The following SELENON variants were observed in gnomAD, a reference collection of about 807,000 sequenced individuals.
SELENON encodes the protein selenoprotein N, 1.
A neutral mutation model predicts 59.5 loss-of-function variants in SELENON; 44 were observed. The observed-to-expected ratio is 0.74, with a 90% CI of 0.58 to 0.95. The LOEUF (loss-of-function observed/expected upper bound fraction) is 0.95. SELENON is among the 40% of genes least tolerant of loss of function. The probability of loss-of-function intolerance (pLI) is 0.00; values close to 1 mark genes in which losing one functional copy is unlikely to be tolerated. For missense variants in SELENON, 674 were observed against 721.4 expected, an observed-to-expected ratio of 0.93 and a Z score of 0.75; for synonymous variants, 320 against 305.6, an observed-to-expected ratio of 1.05 and a Z score of -0.49.
chr1:25,813,406 A>G (rs544416434), intron 10 of SELENON, among the ~76,000 whole-genome samples: 91 of 152,348 alleles, frequency 6.0e-4, no homozygotes, highest in African/African-American at 2.0e-3. Context: ...AAAGGCAGAC[A>G]CCAAATGAGT....
At position 25,815,931 on chromosome 1, in the gene SELENON, G is replaced by C. The variant is rs527610991; in HGVS notation, c.*213G>C. Reference sequence around the variant, plus strand: ...GGCTGACTGGGCAGAGGAACCTCTAGCTCTGACTGTCACTCGGCTCTCCCT... The same window carrying C: ...GGCTGACTGGGCAGAGGAACCTCTACCTCTGACTGTCACTCGGCTCTCCCT... On this transcript the variant is annotated 3_prime_UTR_variant, in exon 13 of 13. Transcript: ENST00000361547. The C allele has an allele frequency of 4.1e-5, 24 of 578,466 alleles. No homozygotes were observed. In the East Asian group the frequency reaches 6.4e-4, roughly 15 times the overall value. The allele number at this position is 578,466 out of a possible 1,614,324, so 35.8% of individuals were successfully genotyped here. A position where few individuals can be genotyped will look rare whatever the true frequency, so the allele number is the denominator to read the frequency against.
chr1:25,811,316 CTG>C, intron 7 of SELENON, 136 bp from the exon 7 acceptor site: 1 of 836,742 alleles, frequency 1.2e-6, no homozygotes. Flanking sequence ...CCCAGTGGCT[CTG>C]AGAGCAGGTG....
At chr1:25,809,932 A>C in intron 7 of SELENON, 112 bp downstream of exon 6, 1 of 1,372,474 alleles carries the variant, frequency 7.3e-7, no homozygotes, top group Non-Finnish European at 1.0e-6. Context: ...TGCTCCCCAG[A>C]GCCCATCTCA....
In SELENON at chr1:25,814,191, A is replaced by C. The variant is rs1180541240; in HGVS notation, c.1602+13A>C. 1 of 1,610,070 alleles carries C rather than the reference A, an allele frequency of 6.2e-7. No homozygotes were observed. Among genetic ancestry groups the C allele is most frequent in the Non-Finnish European group, 8.5e-7 (1 of 1,177,390 alleles). On this transcript the variant is annotated intron_variant, in intron 12 of 12. Coordinates refer to ENST00000361547, the MANE Select transcript of SELENON (RefSeq NM_020451.3). ...CAATGGCACCGTGGTAGGCACCCCC[A>C]CTCAGACCCCACAGGGCCCAGGCAC...
chr1:25,813,525 CTT>C, intron 10 of SELENON: 1 of 378,234 alleles, frequency 2.6e-6, no homozygotes, highest in Non-Finnish European at 5.2e-6. Flanking sequence ...TACGCTGAGA[CTT>C]TGAAGGATGA....
Position 25,814,139 on chromosome 1 carries a change from C to T in SELENON, c.1563C>T (p.Phe521=), listed in dbSNP as rs373154763. 33 of 1,614,182 alleles carry T rather than the reference C, an allele frequency of 2.0e-5. No individual in the cohort carries two copies. In the East Asian group the frequency reaches 6.7e-4, roughly 33 times the overall value. ...GCCTGCACCTGGAGAAGTACAGCTT[C>T]CCCGTGGAGATGATGATCTGCCTGC... Residue 521 remains phenylalanine (F), a synonymous_variant, in exon 12 of 13, where the codon TTC becomes TTT. Transcript: ENST00000361547.
chr1:25,808,013 A>G (rs965310380), intron 4 of SELENON, among the ~76,000 whole-genome samples: 1 of 152,116 alleles, frequency 6.6e-6, no homozygotes, highest in Non-Finnish European at 1.5e-5. Context: ...TTGACCCTAG[A>G]GATTTCACCT....
rs1391444429 is a variant in SELENON at position 25,800,260 on chromosome 1, G to A, written c.30G>A (p.Gly10=). 3.2e-6 allele frequency: 3 copies of A among 935,474 alleles called. No homozygotes were observed. The highest frequency in any genetic ancestry group is 3.8e-6 in the Non-Finnish European group (3 of 787,340). The allele number at this position is 935,474 out of a possible 1,614,324, so 57.9% of individuals were successfully genotyped here. The change falls in exon 1 of 13, where the codon GGG becomes GGA. Residue 10 remains glycine (G), a synonymous_variant. Transcript: ENST00000361547. ...GCCGGGCCCGGCCGGGCCAACGCGG[G>A]CCGCCCAGCCCCGGCCCCGCCGCGC...
intron 4 of SELENON, among the ~76,000 whole-genome samples, chr1:25,805,796 A>T (rs1402565847): frequency 6.6e-6 from 1 of 152,040 alleles, no homozygotes; most frequent in African/African-American, 2.4e-5. Context: ...TGGGGAGGGC[A>T]CCTGAGAAGG....
chr1:25,810,645 G>A (rs1206684226), intron 7 of SELENON, among the ~76,000 whole-genome samples: 2 of 152,238 alleles, frequency 1.3e-5, no homozygotes, highest in Non-Finnish European at 2.9e-5. Flanking sequence ...CACCCACAGG[G>A]CAGGCGTGAG....
intron 12 of SELENON, among the ~76,000 whole-genome samples, chr1:25,814,835 G>A (rs987527024): frequency 2.0e-5 from 3 of 152,166 alleles, no homozygotes; most frequent in Admixed American, 2.0e-4. Flanking sequence ...ACCCAGGGCT[G>A]TAGGAGGGGG....
chr1:25,805,144 T>A lies in SELENON; in HGVS notation c.406T>A (p.Ser136Thr). Residue 136 changes from serine (S) to threonine (T), a missense_variant and splice_region_variant, in exon 4 of 13, where the codon TCA becomes ACA. Transcript: ENST00000361547. The stretch of plus-strand genomic sequence containing the variant: ...TCTCCGATGTCTGTGTCTCATAGGG[T>A]CAACTCCCGCGGCCAGCTGCGAGGA... 6.2e-7 allele frequency: 1 copy of A among 1,613,258 alleles called. No individual in the cohort carries two copies. Among genetic ancestry groups the A allele is most frequent in the South Asian group, 1.1e-5 (1 of 91,040 alleles).
At position 25,816,777 on chromosome 1, in the gene SELENON, A is replaced by G. The variant is rs2124458385; in HGVS notation, c.*1059A>G. ...TTTGTAGGTATTTTTTTATAACCCCAGTGCTGAGGAGAAAGGAGGGGCAGT... is the reference window on the plus strand; with the variant it reads ...TTTGTAGGTATTTTTTTATAACCCCGGTGCTGAGGAGAAAGGAGGGGCAGT... On this transcript the variant is annotated 3_prime_UTR_variant, in exon 13 of 13. Transcript: ENST00000361547. The G allele has an allele frequency of 6.5e-6, 1 of 152,778 alleles. No individual in the cohort carries two copies. Among genetic ancestry groups the G allele is most frequent in the East Asian group, 1.9e-4 (1 of 5,172 alleles). 9.5% of individuals were successfully genotyped at this position (152,778 alleles called of 1,614,324 possible). A position where few individuals can be genotyped will look rare whatever the true frequency, so the allele number is the denominator to read the frequency against.
At chr1:25,810,300 C>T (rs2047947196) in intron 7 of SELENON, among the ~76,000 whole-genome samples, 1 of 152,204 alleles carries the variant, frequency 6.6e-6, no homozygotes, top group Admixed American at 6.5e-5. Context: ...AAGGGCAGGC[C>T]CTCCACTGCT....
chr1:25,812,282 G>T (rs1373193373), intron 9 of SELENON, among the ~76,000 whole-genome samples: 1 of 152,082 alleles, frequency 6.6e-6, no homozygotes, highest in Non-Finnish European at 1.5e-5. Flanking sequence ...AGGAGTTCAA[G>T]GCTGCAATGA....
At position 25,802,045 on chromosome 1, in the gene SELENON, C is replaced by T; in HGVS notation, c.331C>T (p.Gln111Ter). Reference sequence around the variant, plus strand: ...TTGTTCTGTCACCCAGACTGGAGTGCAGTGGTGCAGTCACAGCTCACTGCA... The same window carrying T: ...TTGTTCTGTCACCCAGACTGGAGTGTAGTGGTGCAGTCACAGCTCACTGCA... The change falls in exon 3 of 13, where the codon CAG becomes TAG. Residue 111 changes from glutamine to a stop codon, truncating the protein, a stop_gained. Transcript: ENST00000361547. LOFTEE classifies it high-confidence loss of function. 1 of 287,424 alleles carries T rather than the reference C, an allele frequency of 3.5e-6. No individual in the cohort carries two copies. The highest frequency in any genetic ancestry group is 7.2e-6 in the Non-Finnish European group (1 of 139,860). 17.8% of individuals were successfully genotyped at this position (287,424 alleles called of 1,614,324 possible). A position where few individuals can be genotyped will look rare whatever the true frequency, so the allele number is the denominator to read the frequency against.
chr1:25,807,518 G>A lies in SELENON; in HGVS notation c.538-1062G>A, dbSNP rs1321651614. On this transcript the variant is annotated intron_variant, in intron 4 of 12. Coordinates refer to ENST00000361547, the MANE Select transcript of SELENON (RefSeq NM_020451.3). The surrounding 1 kb of genome is among the most constrained non-coding windows in gnomAD (Gnocchi z 4.5). ...TAAGTCCGCACAGACAACAAGAACT[G>A]GGGTGAGGCAGGAGCAGCACCCCTA... Among the ~76,000 whole-genome samples the A allele has an allele frequency of 6.6e-6, 1 of 152,188 alleles. No individual in the cohort carries two copies. The highest frequency in any genetic ancestry group is 2.4e-5 in the African/African-American group (1 of 41,456).
chr1:25,813,309 C>T (rs562766287), intron 10 of SELENON, among the ~76,000 whole-genome samples: 1 of 152,132 alleles, frequency 6.6e-6, no homozygotes, highest in South Asian at 2.1e-4. Context: ...CCCCGTCAAC[C>T]GTCAGTGCAG....
At chr1:25,810,365 C>T (rs1423692390) in intron 7 of SELENON, among the ~76,000 whole-genome samples, 3 of 152,370 alleles carry the variant, frequency 2.0e-5, no homozygotes, top group South Asian at 4.1e-4. Flanking sequence ...CTGCTTGCCT[C>T]ACCTCCTCAG....
Sources: gnomAD v4.1 joint callset for allele counts (sites outside exome capture counted in the v4.1 genomes callset) on GRCh38, gnomAD v4.1.1 for gene constraint, Gnocchi (gnomAD v3.1) non-coding constraint, MANE v1.5 for transcripts, NCBI Gene and HGNC (gene_info 2026-07-23, HGNC 2026-07-21) for gene names.